Variants in OLFM2 observed in about 807,000 individuals in gnomAD.
The protein encoded by OLFM2 is noelin-2.
In OLFM2, 20 loss-of-function variants were observed where a neutral mutation model predicts 43.9. That is an observed-to-expected ratio of 0.46 (90% CI 0.32 to 0.66). The LOEUF is 0.66. Ranked by LOEUF, OLFM2 falls within the 30% of genes least tolerant of loss-of-function variation. The pLI, the probability that OLFM2 is intolerant of heterozygous loss-of-function variation, is 0.04. For missense variants in OLFM2, 416 were observed against 643.6 expected, an observed-to-expected ratio of 0.65 and a Z score of 3.83; for synonymous variants, 268 against 278.6, an observed-to-expected ratio of 0.96 and a Z score of 0.38.
intron 1 of OLFM2, among the ~76,000 whole-genome samples, chr19:9,883,168 C>T (rs1373307283): frequency 6.7e-6 from 1 of 149,996 alleles, no homozygotes; most frequent in East Asian, 2.0e-4. Flanking sequence ...GAGATCGCAC[C>T]ACTGAACTCC....
At chr19:9,919,374 G>A (rs2086405834) in intron 1 of OLFM2, among the ~76,000 whole-genome samples, 1 of 152,086 alleles carries the variant, frequency 6.6e-6, no homozygotes. Flanking sequence ...CACTGTGTTA[G>A]CCAGGATGGT....
In OLFM2 at chr19:9,857,517, C is replaced by A. The variant is rs779852256; in HGVS notation, c.361-35G>T. ...AAGATGGAACCATGGCCAAGCCTGA[C>A]CCCTGGCCTTTGACCCAGACATGAC... On this transcript the variant is annotated intron_variant, in intron 3 of 5. Transcript: ENST00000264833. The surrounding 1 kb of genome is among the most constrained non-coding windows in gnomAD (Gnocchi z 5.7). The A allele has an allele frequency of 1.9e-6, 3 of 1,605,608 alleles. No individual in the cohort carries two copies. Among genetic ancestry groups the A allele is most frequent in the South Asian group, 2.2e-5 (2 of 90,644 alleles).
intron 1 of OLFM2, among the ~76,000 whole-genome samples, chr19:9,882,639 G>A (rs1345511517): frequency 6.6e-6 from 1 of 151,906 alleles, no homozygotes; most frequent in Non-Finnish European, 1.5e-5. Context: ...GGGCTGGGCG[G>A]TGGCTCACAC....
At chr19:9,902,065 G>T (rs1436438597) in intron 1 of OLFM2, among the ~76,000 whole-genome samples, 1 of 151,870 alleles carries the variant, frequency 6.6e-6, no homozygotes, top group African/African-American at 2.4e-5. Context: ...GTCTCGCTTT[G>T]TCACCCAGGC....
At chr19:9,920,398 C>T (rs140544267) in intron 1 of OLFM2, among the ~76,000 whole-genome samples, 38 of 152,234 alleles carry the variant, frequency 2.5e-4, no homozygotes, top group African/African-American at 8.4e-4. Flanking sequence ...TCCTTGCTTG[C>T]ATCACCCTGG....
chr19:9,896,143 CTGGA>C (rs1291012504), intron 1 of OLFM2, among the ~76,000 whole-genome samples: 5 of 126,996 alleles, frequency 3.9e-5, no homozygotes, highest in South Asian at 2.5e-4. Flanking sequence ...GTTGCCCAGG[CTGGA>C]TGGAGTGCAG....
chr19:9,857,220 G>A lies in OLFM2; in HGVS notation c.580+43C>T, dbSNP rs1219072740. 1.3e-6 allele frequency: 2 copies of A among 1,552,810 alleles called. No homozygotes were observed. Among genetic ancestry groups the A allele is most frequent in the African/African-American group, 2.7e-5 (2 of 73,770 alleles). On this transcript the variant is annotated intron_variant, in intron 4 of 5. Coordinates refer to ENST00000264833, the MANE Select transcript of OLFM2 (RefSeq NM_058164.4). This position sits in a 1 kb window ranked among gnomAD's most constrained non-coding sequence, Gnocchi z 5.7. ...AACAGGTGATACTGGAGTTGGGTGT[G>A]GCAGTCAGAGATCAGGGGTCAGGGT...
Position 9,887,599 on chromosome 19 carries a change from T to TTCA in OLFM2, c.64-26808_64-26806dup, listed in dbSNP as rs1568376187. ...GCATTGCTCACCTGAACCAGCAGAGTTCATCCCTTCCATGGTCTCCCAGTT... is the reference window on the plus strand; with the variant it reads ...GCATTGCTCACCTGAACCAGCAGAGTTCATCATCCCTTCCATGGTCTCCCAGTT... On this transcript the variant is annotated intron_variant, in intron 1 of 5. Coordinates refer to ENST00000264833, the MANE Select transcript of OLFM2 (RefSeq NM_058164.4). Among the ~76,000 whole-genome samples the TTCA allele has an allele frequency of 4.0e-5, 6 of 151,870 alleles. No homozygotes were observed. In the South Asian group the frequency reaches 1.2e-3, roughly 32 times the overall value.
In OLFM2 at chr19:9,901,222, GA is replaced by G. The variant is rs532183134; in HGVS notation, c.63+35081del. On this transcript the variant is annotated intron_variant, in intron 1 of 5. Coordinates refer to ENST00000264833, the MANE Select transcript of OLFM2 (RefSeq NM_058164.4). ...AAAGAGGACGGAAAGAAAGAAAGGA[GA>G]AAAAAAAAAAAGGAAGGAAAGAAGA... Among the ~76,000 whole-genome samples, 895 of 113,178 alleles carry G rather than the reference GA, an allele frequency of 7.9e-3. 10 individuals carry two copies. The highest frequency in any genetic ancestry group is 0.06 in the East Asian group (215 of 3,610). The allele number at this position is 113,178 out of a possible 152,430, so 74.2% of individuals were successfully genotyped here. A position where few individuals can be genotyped will look rare whatever the true frequency, so the allele number is the denominator to read the frequency against.
chr19:9,930,186 C>T (rs2086474393), intron 1 of OLFM2, among the ~76,000 whole-genome samples: 1 of 152,184 alleles, frequency 6.6e-6, no homozygotes, highest in Non-Finnish European at 1.5e-5. Context: ...TACACATACA[C>T]GCATGACACC....
intron 1 of OLFM2, among the ~76,000 whole-genome samples, chr19:9,878,737 T>C (rs1187477417): frequency 6.6e-6 from 1 of 152,062 alleles, no homozygotes; most frequent in Non-Finnish European, 1.5e-5. Context: ...CATTCACAGA[T>C]AAGCAAGGAA....
intron 1 of OLFM2, among the ~76,000 whole-genome samples, chr19:9,888,795 G>A (rs990095002): frequency 9.2e-5 from 14 of 152,196 alleles, no homozygotes; most frequent in African/African-American, 2.2e-4. Context: ...TGCCGGGCAC[G>A]GTGGCTCACG....
intron 1 of OLFM2, among the ~76,000 whole-genome samples, chr19:9,876,592 T>C (rs1451076285): frequency 6.6e-6 from 1 of 152,130 alleles, no homozygotes. Context: ...CCAACACACA[T>C]TCCAGGGTTT....
At chr19:9,881,921 G>A (rs949892640) in intron 1 of OLFM2, among the ~76,000 whole-genome samples, 3 of 152,132 alleles carry the variant, frequency 2.0e-5, no homozygotes, top group African/African-American at 4.8e-5. Flanking sequence ...TTCATTGTGA[G>A]GTACTGGGTG....
intron 1 of OLFM2, among the ~76,000 whole-genome samples, chr19:9,891,822 A>T (rs1039074849): frequency 2.0e-5 from 3 of 152,150 alleles, no homozygotes; most frequent in African/African-American, 7.2e-5. Context: ...TGAGTGTGTG[A>T]GACTGAGGTG....
At chr19:9,915,595 G>T (rs191681238) in intron 1 of OLFM2, among the ~76,000 whole-genome samples, 2,518 of 151,930 alleles carry the variant, frequency 0.017, 53 homozygotes, top group African/African-American at 0.048. Context: ...TCGGCTCACT[G>T]CAAGCTCTGC....
chr19:9,932,871 A>G (rs1480730562), intron 1 of OLFM2, among the ~76,000 whole-genome samples: 1 of 152,104 alleles, frequency 6.6e-6, no homozygotes, highest in Non-Finnish European at 1.5e-5. Context: ...AACCCAGAAC[A>G]TCTTGGATAG....
intron 1 of OLFM2, among the ~76,000 whole-genome samples, chr19:9,912,426 G>A (rs1268762800): frequency 6.6e-6 from 1 of 152,184 alleles, no homozygotes; most frequent in Non-Finnish European, 1.5e-5. Flanking sequence ...GGTTGGTGAA[G>A]TTGGGGCTAA....
chr19:9,885,524 C>G (rs1162170748), intron 1 of OLFM2, among the ~76,000 whole-genome samples: 1 of 150,784 alleles, frequency 6.6e-6, no homozygotes, highest in East Asian at 1.9e-4. Context: ...CTGAGCACGG[C>G]GGCTCATTGC....
Sources: allele counts gnomAD v4.1 joint callset (sites outside exome capture counted in the v4.1 genomes callset), GRCh38; gene constraint gnomAD v4.1.1; non-coding constraint Gnocchi (gnomAD v3.1); transcripts MANE v1.5; gene names NCBI Gene and HGNC (gene_info 2026-07-23, HGNC 2026-07-21).